The following GLRA3 variants were observed in gnomAD, a reference collection of about 807,000 sequenced individuals.
GLRA3 encodes glycine receptor alpha 3.
In GLRA3, 44 loss-of-function variants were observed where a neutral mutation model predicts 60.4. That is an observed-to-expected ratio of 0.73 (90% confidence interval 0.57 to 0.94). The LOEUF (loss-of-function observed/expected upper bound fraction) is 0.94. GLRA3 is among the 40% of genes least tolerant of loss of function. The pLI is 0.00. For missense variants in GLRA3, 508 were observed against 564.6 expected, an observed-to-expected ratio of 0.90 and a Z score of 1.02; for synonymous variants, 223 against 192.9, an observed-to-expected ratio of 1.16 and a Z score of -1.29.
At chr4:174,696,528 A>G (rs1289419332) in intron 5 of GLRA3, among the ~76,000 whole-genome samples, 1 of 150,284 alleles carries the variant, frequency 6.7e-6, no homozygotes, top group Non-Finnish European at 1.5e-5. Context: ...TCTATATTAA[A>G]GGTTTAAACA....
chr4:174,681,896 C>A (rs181207338), intron 6 of GLRA3, among the ~76,000 whole-genome samples: 7 of 152,144 alleles, frequency 4.6e-5, no homozygotes, highest in Non-Finnish European at 1.0e-4. Context: ...AGTTAGATAT[C>A]AGCTTCATCT....
intron 7 of GLRA3, among the ~76,000 whole-genome samples, chr4:174,660,942 C>A (rs1733409294): frequency 6.6e-6 from 1 of 152,190 alleles, no homozygotes; most frequent in Admixed American, 6.5e-5. Flanking sequence ...ATCCGTTTGA[C>A]AAGTCGCCCT....
chr4:174,776,162 G>A (rs1410270404), intron 2 of GLRA3, among the ~76,000 whole-genome samples: 2 of 152,114 alleles, frequency 1.3e-5, no homozygotes, highest in Non-Finnish European at 2.9e-5. Flanking sequence ...TTGATGATTA[G>A]GGCAAACACA....
At chr4:174,796,481 G>T (rs1243628444) in intron 1 of GLRA3, among the ~76,000 whole-genome samples, 1 of 151,758 alleles carries the variant, frequency 6.6e-6, no homozygotes, top group Non-Finnish European at 1.5e-5. Flanking sequence ...TTTATTGTTG[G>T]CAAATTTACA....
At chr4:174,717,378 A>AGG (rs1735967907) in intron 4 of GLRA3, among the ~76,000 whole-genome samples, 12 of 151,514 alleles carry the variant, frequency 7.9e-5, no homozygotes, top group African/African-American at 2.9e-4. Context: ...GAAGGAAGGA[A>AGG]AAAGAAAGAA....
chr4:174,815,235 T>C (rs2111380565), intron 1 of GLRA3, among the ~76,000 whole-genome samples: 1 of 152,308 alleles, frequency 6.6e-6, no homozygotes. Context: ...AGAGGTGGGC[T>C]CCCATGGCCT....
At chr4:174,684,717 G>C (rs1734488015) in intron 5 of GLRA3, among the ~76,000 whole-genome samples, 1 of 152,154 alleles carries the variant, frequency 6.6e-6, no homozygotes, top group African/African-American at 2.4e-5. Flanking sequence ...TGGTCGGTAT[G>C]TTAAAAGCGC....
rs10049956 is a variant in GLRA3 at position 174,654,714 on chromosome 4, C to T, written c.1116+2029G>A. Among the ~76,000 whole-genome samples, 594 of 152,120 alleles carry T rather than the reference C, an allele frequency of 3.9e-3. 5 individuals carry two copies. Among genetic ancestry groups the T allele is most frequent in the African/African-American group, 0.014 (564 of 41,506 alleles). On this transcript the variant is annotated intron_variant, in intron 9 of 9. Transcript: ENST00000274093. ...AATACCTTGGCATGTCTTTTTAAGC[C>T]TCCAGGACTAAAGTAATGATATCAT...
chr4:174,668,201 G>A (rs1483306575), intron 7 of GLRA3, among the ~76,000 whole-genome samples: 1 of 152,070 alleles, frequency 6.6e-6, no homozygotes, highest in Non-Finnish European at 1.5e-5. Flanking sequence ...AGAATCATGA[G>A]CCAATTAATC....
chr4:174,813,367 T>A (rs984019074), intron 1 of GLRA3, among the ~76,000 whole-genome samples: 1 of 152,168 alleles, frequency 6.6e-6, no homozygotes, highest in East Asian at 1.9e-4. Context: ...GCAGCCTTAA[T>A]AAATAAAGAT....
chr4:174,785,851 C>A (rs972962698), intron 2 of GLRA3, among the ~76,000 whole-genome samples: 1 of 151,888 alleles, frequency 6.6e-6, no homozygotes, highest in African/African-American at 2.4e-5. Context: ...CTCACTGTAA[C>A]CTCAAACAAC....
At chr4:174,680,982 G>C (rs1250659656) in intron 6 of GLRA3, among the ~76,000 whole-genome samples, 1 of 152,088 alleles carries the variant, frequency 6.6e-6, no homozygotes, top group Admixed American at 6.5e-5. Flanking sequence ...ATATGAAATG[G>C]AGTCTGGGAT....
chr4:174,768,731 T>G (rs1197977693), intron 2 of GLRA3, among the ~76,000 whole-genome samples: 1 of 152,138 alleles, frequency 6.6e-6, no homozygotes, highest in Non-Finnish European at 1.5e-5. Flanking sequence ...TGACCCTACG[T>G]AAGATGCCAG....
intron 3 of GLRA3, among the ~76,000 whole-genome samples, chr4:174,755,278 C>T (rs187810705): frequency 1.3e-5 from 2 of 152,128 alleles, no homozygotes; most frequent in African/African-American, 4.8e-5. Context: ...CTGAGCATGT[C>T]GCTAGCTGTT....
intron 5 of GLRA3, among the ~76,000 whole-genome samples, chr4:174,692,694 T>C (rs1665013264): frequency 6.6e-6 from 1 of 151,524 alleles, no homozygotes; most frequent in African/African-American, 2.4e-5. Flanking sequence ...GTTAAATGGA[T>C]TAAGGGCGGT....
At chr4:174,791,944 T>G (rs1022840336) in intron 1 of GLRA3, among the ~76,000 whole-genome samples, 2 of 152,240 alleles carry the variant, frequency 1.3e-5, no homozygotes, top group African/African-American at 2.4e-5. Flanking sequence ...ATCTACTTGG[T>G]TAGCTTAGAG....
rs1270523308 is a variant in GLRA3, at chr4:174,642,633, T to C, written c.*1153A>G. The C allele has an allele frequency of 2.4e-6, 2 of 845,176 alleles. No individual in the cohort carries two copies. The highest frequency in any genetic ancestry group is 2.8e-6 in the Non-Finnish European group (2 of 702,272). The allele number at this position is 845,176 out of a possible 1,614,324, so 52.4% of individuals were successfully genotyped here. On this transcript the variant is annotated 3_prime_UTR_variant, in exon 10 of 10. Coordinates refer to ENST00000274093, the MANE Select transcript of GLRA3 (RefSeq NM_006529.4). ...AAAATTTCATTTAAAATTATTCACA[T>C]CTTGCGAATGGCTTAGATTTTGAAA...
intron 7 of GLRA3, among the ~76,000 whole-genome samples, chr4:174,676,234 C>T (rs1734111012): frequency 6.6e-6 from 1 of 152,024 alleles, no homozygotes; most frequent in Non-Finnish European, 1.5e-5. Flanking sequence ...TATTTTAATT[C>T]TGGCAGCTCA....
At chr4:174,803,413 G>C (rs1049267355) in intron 1 of GLRA3, among the ~76,000 whole-genome samples, 1 of 152,088 alleles carries the variant, frequency 6.6e-6, no homozygotes, top group African/African-American at 2.4e-5. Flanking sequence ...ACTTAGGAAA[G>C]ACTTATTAGC....
Sources: gnomAD v4.1 joint callset for allele counts (sites outside exome capture counted in the v4.1 genomes callset) on GRCh38, gnomAD v4.1.1 for gene constraint, MANE v1.5 for transcripts, NCBI Gene and HGNC (gene_info 2026-07-23, HGNC 2026-07-21) for gene names.